WNK3: variants seen among roughly 807,000 people sequenced by gnomAD.
WNK3 encodes serine/threonine-protein kinase WNK3.
WNK3 carries 18 observed loss-of-function variants against 116.7 expected under a neutral mutation model. The ratio of observed to expected loss-of-function variants is 0.15; its 90% CI spans 0.11 to 0.23. The LOEUF is 0.23. WNK3 is among the 10% of genes least tolerant of loss of function. The probability of loss-of-function intolerance (pLI) is 1.00; values close to 1 mark genes in which losing one functional copy is unlikely to be tolerated. For synonymous variants in WNK3, 404 were observed against 469.4 expected, an observed-to-expected ratio of 0.86 and a Z score of 1.80; for missense variants, 993 against 1,323.8, an observed-to-expected ratio of 0.75 and a Z score of 3.88.
rs193293308 is a variant in WNK3 at position 54,306,958 on chromosome X, G to A, written c.1089+964C>T. Among the ~76,000 whole-genome samples, 88 of 109,939 alleles carry A rather than the reference G, an allele frequency of 8.0e-4. 1 individual carries two copies. The East Asian group carries it at 0.019, about 23-fold the overall frequency. On this transcript the variant is annotated intron_variant, in intron 5 of 23. Coordinates refer to ENST00000354646, the Ensembl canonical transcript of WNK3. ...AATGATATTAATTTTGGCCAGGCGCGGTGGCTCACACCTGTAATCCCAGCA... is the reference window on the plus strand; with the variant it reads ...AATGATATTAATTTTGGCCAGGCGCAGTGGCTCACACCTGTAATCCCAGCA...
chrX:54,329,797 A>C (rs1407561838), intron 2 of WNK3, among the ~76,000 whole-genome samples: 1 of 112,193 alleles, frequency 8.9e-6, no homozygotes, highest in Non-Finnish European at 1.9e-5. Context: ...AGTGAATGGA[A>C]ATTATTTCCC....
intron 4 of WNK3, 116 bp from the exon 5 acceptor site, chrX:54,308,195 T>C: frequency 1.5e-6 from 1 of 689,275 alleles, no homozygotes; most frequent in Non-Finnish European, 2.0e-6. Context: ...CAAAGCAAAT[T>C]TCTTTTTTTT....
At chrX:54,234,790 C>T (rs2067943387) in intron 20 of WNK3, among the ~76,000 whole-genome samples, 1 of 105,634 alleles carries the variant, frequency 9.5e-6, no homozygotes, top group Non-Finnish European at 1.9e-5. Flanking sequence ...CACGCCACTG[C>T]ACTCCAGCTG....
intron 3 of WNK3, among the ~76,000 whole-genome samples, chrX:54,310,282 T>A (rs181202286): frequency 9.1e-6 from 1 of 110,473 alleles, no homozygotes; most frequent in Non-Finnish European, 1.9e-5. Context: ...GCCTCACTCC[T>A]ATAACCCTAG....
At chrX:54,337,102 C>T (rs1557175504) in intron 1 of WNK3, among the ~76,000 whole-genome samples, 1 of 111,257 alleles carries the variant, frequency 9.0e-6, no homozygotes, top group Admixed American at 9.7e-5. Flanking sequence ...TATTCACCGA[C>T]GTTCCCCAAA....
At chrX:54,328,886 C>A (rs1461777060) in intron 2 of WNK3, among the ~76,000 whole-genome samples, 1 of 110,358 alleles carries the variant, frequency 9.1e-6, no homozygotes, top group Non-Finnish European at 1.9e-5. Flanking sequence ...AACTCTGGGG[C>A]TCAAGTGACT....
At chrX:54,302,113 T>C (rs1228559112) in intron 5 of WNK3, among the ~76,000 whole-genome samples, 1 of 110,969 alleles carries the variant, frequency 9.0e-6, no homozygotes, top group African/African-American at 3.3e-5. Context: ...TATTATGTTA[T>C]ATATATAGTA....
At chrX:54,343,870 C>T (rs1337187858) in intron 1 of WNK3, among the ~76,000 whole-genome samples, 1 of 109,536 alleles carries the variant, frequency 9.1e-6, no homozygotes, top group African/African-American at 3.3e-5. Context: ...CACATTGCCC[C>T]GGCTCCTCTC....
intron 22 of WNK3, among the ~76,000 whole-genome samples, chrX:54,205,664 G>GA (rs1225026384): frequency 1.8e-5 from 2 of 110,976 alleles, no homozygotes; most frequent in African/African-American, 3.3e-5. Context: ...ATATGAAAAG[G>GA]AAAAAAATGC....
chrX:54,305,982 G>A (rs2068819450), intron 5 of WNK3, among the ~76,000 whole-genome samples: 1 of 110,763 alleles, frequency 9.0e-6, no homozygotes, highest in Non-Finnish European at 1.9e-5. Context: ...CTGAACCTGG[G>A]AGGTGGAGGA....
At chrX:54,227,038 C>G (rs1191494875) in intron 22 of WNK3, among the ~76,000 whole-genome samples, 2 of 110,947 alleles carry the variant, frequency 1.8e-5, no homozygotes, top group Non-Finnish European at 3.8e-5. Context: ...ATTTTAAAAC[C>G]ATTAAAAACT....
chrX:54,293,850 A>C (rs1267052103), intron 8 of WNK3, among the ~76,000 whole-genome samples: 2 of 112,253 alleles, frequency 1.8e-5, no homozygotes, highest in African/African-American at 6.5e-5. Flanking sequence ...TTGAGGAATA[A>C]ATTTTATCTT....
At chrX:54,197,709 CAGAG>C (rs1229033273) in exon 24 of WNK3, 2 of 101,300 alleles carry the variant, frequency 2.0e-5, no homozygotes, top group East Asian at 6.1e-4. Flanking sequence ...ACCTGGGTGA[CAGAG>C]AGAGACTCCA....
intron 5 of WNK3, among the ~76,000 whole-genome samples, chrX:54,306,656 G>A (rs1233384584): frequency 3.6e-5 from 4 of 111,036 alleles, no homozygotes; most frequent in Non-Finnish European, 7.5e-5. Flanking sequence ...GAAATGGGGA[G>A]CTATTGGTCA....
chrX:54,241,884 G>A lies in WNK3; in HGVS notation c.3652-2785C>T, dbSNP rs782467087. ...CAGGAGAATTGCTTGGACCTGGGAA[G>A]TGGAGGTTGCAGTGAGCTGAAATCA... is the stretch of plus-strand genomic sequence containing the variant. On this transcript the variant is annotated intron_variant, in intron 17 of 23. Coordinates refer to ENST00000354646, the Ensembl canonical transcript of WNK3. Among the ~76,000 whole-genome samples, 6 of 108,834 alleles carry A rather than the reference G, an allele frequency of 5.5e-5. No individual in the cohort carries two copies. In the East Asian group the frequency reaches 1.7e-3, roughly 31 times the overall value. 94.5% of individuals were successfully genotyped at this position (108,834 alleles called of 115,157 possible).
At chrX:54,336,679 T>G (rs1228915827) in intron 1 of WNK3, among the ~76,000 whole-genome samples, 1 of 110,935 alleles carries the variant, frequency 9.0e-6, no homozygotes, top group Non-Finnish European at 1.9e-5. Flanking sequence ...CCATACAATG[T>G]AAAACAAGGA....
chrX:54,214,453 C>A (rs782304956), intron 22 of WNK3, among the ~76,000 whole-genome samples: 1 of 111,468 alleles, frequency 9.0e-6, no homozygotes, highest in Admixed American at 9.6e-5. Flanking sequence ...AGAATAAGGG[C>A]CTGGGTAAAC....
intron 2 of WNK3, among the ~76,000 whole-genome samples, chrX:54,329,373 T>C (rs2069141021): frequency 8.9e-6 from 1 of 111,850 alleles, no homozygotes; most frequent in Non-Finnish European, 1.9e-5. Context: ...GTGCGGTGGC[T>C]CACGCCTGTA....
intron 22 of WNK3, among the ~76,000 whole-genome samples, chrX:54,203,000 C>A (rs1557142010): frequency 9.0e-6 from 1 of 111,578 alleles, no homozygotes; most frequent in East Asian, 2.8e-4. Flanking sequence ...TAGACAAAGA[C>A]ACTCTATCTT....
Sources: allele counts gnomAD v4.1 joint callset (sites outside exome capture counted in the v4.1 genomes callset), GRCh38; gene constraint gnomAD v4.1.1; transcripts MANE v1.5; gene names NCBI Gene and HGNC (gene_info 2026-07-23, HGNC 2026-07-21).